ADGRL3: variants seen among roughly 807,000 people sequenced by gnomAD.
ADGRL3 encodes calcium-independent alpha-latrotoxin receptor 3.
ADGRL3 carries 62 observed loss-of-function variants against 153.5 expected under a neutral mutation model. The observed-to-expected ratio is 0.40, with a 90% CI of 0.33 to 0.50. ADGRL3 has a LOEUF of 0.50. Ranked by LOEUF, ADGRL3 falls within the 20% of genes least tolerant of loss-of-function variation. The pLI, the probability that ADGRL3 is intolerant of heterozygous loss-of-function variation, is 0.47. For synonymous variants in ADGRL3, 710 were observed against 672.5 expected, an observed-to-expected ratio of 1.06 and a Z score of -0.86; for missense variants, 1,641 against 1,859.4, an observed-to-expected ratio of 0.88 and a Z score of 2.16.
chr4:61,664,158 G>A (rs1002320468), intron 5 of ADGRL3, among the ~76,000 whole-genome samples: 2 of 152,060 alleles, frequency 1.3e-5, no homozygotes, highest in African/African-American at 4.8e-5. Context: ...ATGTTTTGGG[G>A]GCAAAGAGAT....
intron 3 of ADGRL3, among the ~76,000 whole-genome samples, chr4:61,501,672 G>A (rs1236781505): frequency 6.6e-6 from 1 of 152,084 alleles, no homozygotes; most frequent in East Asian, 1.9e-4. Context: ...AATTGTTAGT[G>A]TTATACTTTT....
intron 1 of ADGRL3, among the ~76,000 whole-genome samples, chr4:61,290,580 G>A (rs931659932): frequency 6.6e-6 from 1 of 151,750 alleles, no homozygotes; most frequent in African/African-American, 2.4e-5. Flanking sequence ...GGAGGTTGAG[G>A]CTGCAGTAAG....
chr4:61,971,058 C>T (rs2099025328), intron 17 of ADGRL3, among the ~76,000 whole-genome samples: 1 of 151,974 alleles, frequency 6.6e-6, no homozygotes, highest in South Asian at 2.1e-4. Context: ...CATACATTTT[C>T]AGTAAAAGAA....
intron 2 of ADGRL3, among the ~76,000 whole-genome samples, chr4:61,428,884 C>A (rs55739758): frequency 2.2e-3 from 217 of 96,590 alleles, no homozygotes; most frequent in Admixed American, 8.9e-3. Flanking sequence ...TATCATCTAT[C>A]TATCTATATC....
At chr4:61,748,829 G>A (rs1477856839) in intron 8 of ADGRL3, among the ~76,000 whole-genome samples, 1 of 151,608 alleles carries the variant, frequency 6.6e-6, no homozygotes, top group Non-Finnish European at 1.5e-5. Flanking sequence ...AACACCAAAA[G>A]CAATGGCAAC....
chr4:61,909,554 T>A lies in ADGRL3; in HGVS notation c.1888-6T>A, dbSNP rs766190517. ...CTTTCCTTTGTATTCCATTTAAAAA[T>A]TATAGTTGAAATCTGGTGAAACAGC... On this transcript the variant is annotated splice_polypyrimidine_tract_variant and splice_region_variant and intron_variant, in intron 11 of 26. Transcript: ENST00000683033. The A allele has an allele frequency of 2.5e-6, 4 of 1,604,274 alleles. No individual in the cohort carries two copies. Among genetic ancestry groups the A allele is most frequent in the Non-Finnish European group, 3.4e-6 (4 of 1,174,814 alleles).
intron 21 of ADGRL3, among the ~76,000 whole-genome samples, chr4:62,011,204 G>C (rs2099184771): frequency 6.6e-6 from 1 of 152,058 alleles, no homozygotes; most frequent in African/African-American, 2.4e-5. Flanking sequence ...TATGACTAAA[G>C]ATTAACAAGA....
intron 5 of ADGRL3, among the ~76,000 whole-genome samples, chr4:61,589,314 A>G (rs998690488): frequency 1.3e-5 from 2 of 152,094 alleles, no homozygotes; most frequent in Non-Finnish European, 1.5e-5. Context: ...TGTCCAAAGT[A>G]AATGTTTTTG....
At chr4:61,818,005 A>T (rs1353266427) in intron 9 of ADGRL3, among the ~76,000 whole-genome samples, 1 of 152,142 alleles carries the variant, frequency 6.6e-6, no homozygotes, top group Non-Finnish European at 1.5e-5. Context: ...CCCAAATCTC[A>T]TGTGCTCACA....
intron 9 of ADGRL3, among the ~76,000 whole-genome samples, chr4:61,844,411 G>A (rs73220147): frequency 0.034 from 5,045 of 150,264 alleles, 298 homozygotes; most frequent in African/African-American, 0.12. Flanking sequence ...GCTAGGCATG[G>A]TGGTGGACAC....
At chr4:61,494,300 A>ATG (rs544906681) in intron 2 of ADGRL3, among the ~76,000 whole-genome samples, 4 of 152,004 alleles carry the variant, frequency 2.6e-5, no homozygotes, top group Non-Finnish European at 5.9e-5. Context: ...GTGTATCTGT[A>ATG]TGTGTGTGTA....
intron 1 of ADGRL3, among the ~76,000 whole-genome samples, chr4:61,351,642 A>T (rs1553909884): frequency 6.6e-6 from 1 of 152,140 alleles, no homozygotes; most frequent in Non-Finnish European, 1.5e-5. Context: ...GAATTATGCT[A>T]AATCTACTGT....
At chr4:61,695,694 C>G (rs2095629922) in intron 6 of ADGRL3, among the ~76,000 whole-genome samples, 1 of 152,144 alleles carries the variant, frequency 6.6e-6, no homozygotes, top group South Asian at 2.1e-4. Flanking sequence ...TCCTCTTTAG[C>G]TAGAAATGTA....
intron 4 of ADGRL3, among the ~76,000 whole-genome samples, chr4:61,548,095 T>C (rs35414536): frequency 0.37 from 56,641 of 151,592 alleles, 11,094 homozygotes; most frequent in East Asian, 0.75. Context: ...TTGAGAAGTC[T>C]GTTCATGTCC....
At chr4:61,766,055 G>A (rs563282998) in intron 8 of ADGRL3, among the ~76,000 whole-genome samples, 1 of 152,236 alleles carries the variant, frequency 6.6e-6, no homozygotes, top group Admixed American at 6.5e-5. Context: ...AATAAATCAA[G>A]CGTGATCAGG....
At chr4:61,606,858 G>A (rs1403697758) in intron 5 of ADGRL3, among the ~76,000 whole-genome samples, 1 of 152,136 alleles carries the variant, frequency 6.6e-6, no homozygotes, top group Non-Finnish European at 1.5e-5. Context: ...AACATAACAA[G>A]TCCAGATATG....
intron 9 of ADGRL3, among the ~76,000 whole-genome samples, chr4:61,873,946 G>C (rs2098459713): frequency 6.6e-6 from 1 of 152,086 alleles, no homozygotes; most frequent in Non-Finnish European, 1.5e-5. Context: ...TAAAATGTCA[G>C]TTAGTACCAT....
intron 5 of ADGRL3, among the ~76,000 whole-genome samples, chr4:61,667,443 AT>A (rs2094838834): frequency 6.6e-6 from 1 of 152,132 alleles, no homozygotes; most frequent in Admixed American, 6.5e-5. Flanking sequence ...CATAAATTGT[AT>A]TTTGTCGGAA....
intron 11 of ADGRL3, among the ~76,000 whole-genome samples, chr4:61,904,454 A>C (rs1352513194): frequency 6.6e-6 from 1 of 151,992 alleles, no homozygotes; most frequent in African/African-American, 2.4e-5. Flanking sequence ...GGCCTTCTTT[A>C]TTATCTTTTG....
Sources: allele counts gnomAD v4.1 joint callset (sites outside exome capture counted in the v4.1 genomes callset), GRCh38; gene constraint gnomAD v4.1.1; transcripts MANE v1.5; gene names NCBI Gene and HGNC (gene_info 2026-07-23, HGNC 2026-07-21).